Variants in KIF13A observed in about 807,000 individuals in gnomAD.
KIF13A encodes kinesin-like protein KIF13A.
KIF13A carries 79 observed loss-of-function variants against 212.2 expected under a neutral mutation model. That is an observed-to-expected ratio of 0.37 (90% CI 0.31 to 0.45). KIF13A has a LOEUF of 0.45. KIF13A is among the 20% of genes least tolerant of loss of function. The pLI, the probability that KIF13A is intolerant of heterozygous loss-of-function variation, is 1.00. For synonymous variants in KIF13A, 789 were observed against 808.6 expected (o/e 0.98, Z 0.41); for missense variants, 1,901 against 2,209.0 (o/e 0.86, Z 2.79).
Position 17,918,817 on chromosome 6 carries a change from TGTCACTCA to T in KIF13A, c.147-20645_147-20638del, listed in dbSNP as rs1376115015. Among the ~76,000 whole-genome samples the T allele has an allele frequency of 2.0e-5, 3 of 152,200 alleles. No individual in the cohort carries two copies. The highest frequency in any genetic ancestry group is 4.1e-4 in the South Asian group (2 of 4,830). On this transcript the variant is annotated intron_variant, in intron 2 of 38. Coordinates refer to ENST00000259711, the MANE Select transcript of KIF13A (RefSeq NM_022113.6). The surrounding 1 kb of genome is among the most constrained non-coding windows in gnomAD (Gnocchi z 4.8). The stretch of plus-strand genomic sequence containing the variant: ...ATCCCACCTGCATCCTGCTTGGCCC[TGTCACTCA>T]GTCTCCTATCACTGTGCTTTGTTTC...
rs1048811449 is a variant in KIF13A, at chr6:17,914,528, T to C, written c.147-16348A>G. 6.6e-6 allele frequency among the ~76,000 whole-genome samples: 1 copy of C among 152,242 alleles called. No individual in the cohort carries two copies. Among genetic ancestry groups the C allele is most frequent in the Non-Finnish European group, 1.5e-5 (1 of 68,044 alleles). On this transcript the variant is annotated intron_variant, in intron 2 of 38. Coordinates refer to ENST00000259711, the MANE Select transcript of KIF13A (RefSeq NM_022113.6). The surrounding 1 kb of genome is among the most constrained non-coding windows in gnomAD (Gnocchi z 5.9). ...ATACACATGCAAATGGGAAGTTTTA[T>C]AAGATACATGACATTATTTTATGAA...
chr6:17,821,552 G>GTATGTGT (rs1554172080), intron 16 of KIF13A, among the ~76,000 whole-genome samples: 2 of 112,012 alleles, frequency 1.8e-5, no homozygotes, highest in African/African-American at 6.1e-5. Context: ...ATTGGGACAT[G>GTATGTGT]GTGTGTGTGT....
At chr6:17,852,847 T>C (rs988292491) in intron 6 of KIF13A, among the ~76,000 whole-genome samples, 4 of 152,254 alleles carry the variant, frequency 2.6e-5, no homozygotes, top group African/African-American at 9.6e-5. Flanking sequence ...AGAGTTTGTT[T>C]ATAATTACTG....
intron 2 of KIF13A, among the ~76,000 whole-genome samples, chr6:17,960,114 T>C (rs1255634256): frequency 1.3e-5 from 2 of 152,146 alleles, no homozygotes; most frequent in African/African-American, 4.8e-5. Flanking sequence ...AGGTTTATCA[T>C]GCATTCATTT....
At chr6:17,835,108 C>T (rs559491923) in intron 11 of KIF13A, among the ~76,000 whole-genome samples, 1 of 147,712 alleles carries the variant, frequency 6.8e-6, no homozygotes, top group African/African-American at 2.5e-5. Context: ...ATCACTTGAA[C>T]CCAGGAGACA....
In KIF13A at chr6:17,968,907, C is replaced by A. The variant is rs1779558722; in HGVS notation, c.146+18147G>T. On this transcript the variant is annotated intron_variant, in intron 2 of 38. Transcript: ENST00000259711. The surrounding 1 kb of genome is among the most constrained non-coding windows in gnomAD (Gnocchi z 4.7). ...GTGACAGACACAACCTGAGGACTTTCTACCCACAGACTCATCTACCTAGGC... is the reference window on the plus strand; with the variant it reads ...GTGACAGACACAACCTGAGGACTTTATACCCACAGACTCATCTACCTAGGC... Among the ~76,000 whole-genome samples the A allele has an allele frequency of 6.6e-6, 1 of 152,222 alleles. No individual in the cohort carries two copies. Among genetic ancestry groups the A allele is most frequent in the Non-Finnish European group, 1.5e-5 (1 of 68,032 alleles).
intron 3 of KIF13A, among the ~76,000 whole-genome samples, chr6:17,894,422 T>C (rs1347904354): frequency 6.6e-6 from 1 of 152,226 alleles, no homozygotes; most frequent in African/African-American, 2.4e-5. Context: ...CTGGCCTTTT[T>C]CTGCATCTTA....
chr6:17,867,235 A>G (rs893053150), intron 4 of KIF13A, among the ~76,000 whole-genome samples: 1 of 152,212 alleles, frequency 6.6e-6, no homozygotes, highest in Non-Finnish European at 1.5e-5. Flanking sequence ...ATGCTTAGGA[A>G]CAACTTGATA....
rs372088285 is a variant in KIF13A, at chr6:17,787,247, T to C, written c.3361+529A>G. Among the ~76,000 whole-genome samples, 20 of 152,360 alleles carry C rather than the reference T, an allele frequency of 1.3e-4. No individual in the cohort carries two copies. The East Asian group carries it at 3.1e-3, about 23-fold the overall frequency. On this transcript the variant is annotated intron_variant, in intron 27 of 38. Transcript: ENST00000259711. The surrounding 1 kb of genome is among the most constrained non-coding windows in gnomAD (Gnocchi z 4.6). Reference sequence around the variant, plus strand: ...TGAATTTGACATTTAATGTCACAGTTTTATGAGATAATTCTGAGTTTTATG... The same window carrying C: ...TGAATTTGACATTTAATGTCACAGTCTTATGAGATAATTCTGAGTTTTATG...
At chr6:17,957,145 G>C (rs545680380) in intron 2 of KIF13A, among the ~76,000 whole-genome samples, 97 of 152,310 alleles carry the variant, frequency 6.4e-4, no homozygotes, top group African/African-American at 2.1e-3. Context: ...GCCTCTCAAA[G>C]TGCAGGGATT....
rs573175054 is a variant in KIF13A at position 17,947,749 on chromosome 6, G to A, written c.146+39305C>T. Among the ~76,000 whole-genome samples, 828 of 152,260 alleles carry A rather than the reference G, an allele frequency of 5.4e-3. 8 individuals are homozygous for A. The highest frequency in any genetic ancestry group is 0.019 in the African/African-American group (780 of 41,538). On this transcript the variant is annotated intron_variant, in intron 2 of 38. Transcript: ENST00000259711. This position sits in a 1 kb window ranked among gnomAD's most constrained non-coding sequence, Gnocchi z 4.6. ...CCAGCTACTCAAGAGGCTGAGGCAGGAGAATCACTTGAACCTAAGAAGTGG... is the reference window on the plus strand; with the variant it reads ...CCAGCTACTCAAGAGGCTGAGGCAGAAGAATCACTTGAACCTAAGAAGTGG...
chr6:17,787,949 A>G lies in KIF13A; in HGVS notation c.3262-74T>C, dbSNP rs1761201512. 4 of 879,920 alleles carry G rather than the reference A, an allele frequency of 4.5e-6. No homozygotes were observed. In the East Asian group the frequency reaches 9.7e-5, roughly 21 times the overall value. 54.5% of individuals were successfully genotyped at this position (879,920 alleles called of 1,614,324 possible). A position where few individuals can be genotyped will look rare whatever the true frequency, so the allele number is the denominator to read the frequency against. ...ATTTCTTTCTTTCTTTTTTTAAAAGATGTTTAAATCAACTAGGAAATTTTT... is the reference window on the plus strand; with the variant it reads ...ATTTCTTTCTTTCTTTTTTTAAAAGGTGTTTAAATCAACTAGGAAATTTTT... On this transcript the variant is annotated intron_variant, in intron 26 of 38. Coordinates refer to ENST00000259711, the MANE Select transcript of KIF13A (RefSeq NM_022113.6). This position sits in a 1 kb window ranked among gnomAD's most constrained non-coding sequence, Gnocchi z 4.6.
At chr6:17,970,081 C>T (rs998529294) in intron 2 of KIF13A, among the ~76,000 whole-genome samples, 3 of 151,974 alleles carry the variant, frequency 2.0e-5, no homozygotes, top group South Asian at 2.1e-4. Context: ...CGCCACCACG[C>T]CCGGCTAATT....
rs149703001 is a variant in KIF13A, at chr6:17,875,667, G to A, written c.160-2230C>T. Among the ~76,000 whole-genome samples the A allele has an allele frequency of 2.4e-3, 372 of 151,960 alleles. 7 individuals carry two copies. In the East Asian group the frequency reaches 0.055, roughly 22 times the overall value. On this transcript the variant is annotated intron_variant, in intron 3 of 38. Coordinates refer to ENST00000259711, the MANE Select transcript of KIF13A (RefSeq NM_022113.6). ...ACGAGGTCTCACCATGTTGGCCAGG[G>A]TGGACTCAAACTCCTGACCTCAAAT...
intron 16 of KIF13A, chr6:17,821,664 C>T: frequency 8.8e-7 from 1 of 1,132,692 alleles, no homozygotes; most frequent in Non-Finnish European, 1.2e-6. Flanking sequence ...AGCCAGAAAA[C>T]TCCAGCTTCT....
rs1374010527 is a variant in KIF13A, at chr6:17,811,579, G to A, written c.2001-2649C>T. Among the ~76,000 whole-genome samples the A allele has an allele frequency of 1.3e-5, 2 of 152,094 alleles. No homozygotes were observed. The highest frequency in any genetic ancestry group is 2.4e-5 in the African/African-American group (1 of 41,408). Reference sequence around the variant, plus strand: ...GGCTTTCTTTGTAATTCTCACCAGCGTTTAAATTTACTTGATTCTCAACCC... The same window carrying A: ...GGCTTTCTTTGTAATTCTCACCAGCATTTAAATTTACTTGATTCTCAACCC... On this transcript the variant is annotated intron_variant, in intron 17 of 38. Coordinates refer to ENST00000259711, the MANE Select transcript of KIF13A (RefSeq NM_022113.6). This position sits in a 1 kb window ranked among gnomAD's most constrained non-coding sequence, Gnocchi z 6.0.
At chr6:17,910,400 A>T (rs1773936757) in intron 2 of KIF13A, among the ~76,000 whole-genome samples, 1 of 152,220 alleles carries the variant, frequency 6.6e-6, no homozygotes, top group African/African-American at 2.4e-5. Flanking sequence ...ACAGAAACCA[A>T]GGGACCAAAC....
At position 17,829,316 on chromosome 6, in the gene KIF13A, G is replaced by A. The variant is rs779721030; in HGVS notation, c.1402-946C>T. On this transcript the variant is annotated intron_variant, in intron 13 of 38. Transcript: ENST00000259711. This position sits in a 1 kb window ranked among gnomAD's most constrained non-coding sequence, Gnocchi z 5.4. ...TATCATTACATGTCTCATAGACTCC[G>A]GAAAACTCCACCAATACATGCGTGA... Among the ~76,000 whole-genome samples the A allele has an allele frequency of 3.9e-5, 6 of 152,120 alleles. No homozygotes were observed. The highest frequency in any genetic ancestry group is 9.7e-5 in the African/African-American group (4 of 41,416).
intron 2 of KIF13A, among the ~76,000 whole-genome samples, chr6:17,938,819 A>ATT (rs5874617): frequency 9.3e-5 from 13 of 139,852 alleles, no homozygotes; most frequent in African/African-American, 1.9e-4. Context: ...CTTAGAGTGA[A>ATT]TTTTTTTTTT....
Sources: allele counts gnomAD v4.1 joint callset (sites outside exome capture counted in the v4.1 genomes callset), GRCh38; gene constraint gnomAD v4.1.1; non-coding constraint Gnocchi (gnomAD v3.1); transcripts MANE v1.5; gene names NCBI Gene and HGNC (gene_info 2026-07-23, HGNC 2026-07-21).